Variants in OSMR observed in about 807,000 individuals in gnomAD.
OSMR encodes the protein oncostatin M receptor.
Under a neutral mutation model 99.9 loss-of-function variants are expected in OSMR, and 81 were observed. That is an observed-to-expected ratio of 0.81 (90% CI 0.68 to 0.97). OSMR has a LOEUF of 0.97. OSMR is among the 50% of genes least tolerant of loss of function. The pLI is 0.00. For missense variants in OSMR, 1,099 were observed against 1,153.4 expected (o/e 0.95, Z 0.68); for synonymous variants, 406 against 410.4 (o/e 0.99, Z 0.13).
At chr5:38,865,472 A>G (rs1432915470) in intron 1 of OSMR, among the ~76,000 whole-genome samples, 1 of 152,250 alleles carries the variant, frequency 6.6e-6, no homozygotes, top group Non-Finnish European at 1.5e-5. Context: ...GGCTGGACAC[A>G]GTAGCATAGT....
At chr5:38,911,269 A>G (rs1745560882) in intron 9 of OSMR, among the ~76,000 whole-genome samples, 1 of 152,196 alleles carries the variant, frequency 6.6e-6, no homozygotes, top group South Asian at 2.1e-4. Context: ...CCCCATAGAA[A>G]CACAAAAACT....
At chr5:38,862,840 C>G (rs1293135932) in intron 1 of OSMR, among the ~76,000 whole-genome samples, 4 of 151,384 alleles carry the variant, frequency 2.6e-5, no homozygotes, top group Non-Finnish European at 5.9e-5. Flanking sequence ...TGTAGCGAGC[C>G]GAGATCACAC....
downstream of OSMR, chr5:38,940,389 A>G (rs1330061575): frequency 4.3e-6 from 1 of 232,260 alleles, no homozygotes; most frequent in East Asian, 6.1e-5. Flanking sequence ...AGATTACATT[A>G]CTTCCTTTGG....
intron 9 of OSMR, among the ~76,000 whole-genome samples, chr5:38,910,424 C>A (rs1579767929): frequency 1.3e-5 from 2 of 152,174 alleles, no homozygotes. Context: ...CTCATCTGCA[C>A]ATGGCATATA....
In OSMR at chr5:38,873,276, C is replaced by A. The variant is rs76407577; in HGVS notation, c.74-2925C>A. Among the ~76,000 whole-genome samples the A allele has an allele frequency of 0.022, 3,425 of 152,308 alleles. 345 individuals are homozygous for A. The East Asian group carries it at 0.37, about 16-fold the overall frequency. On this transcript the variant is annotated intron_variant, in intron 2 of 17. Transcript: ENST00000274276. ...TGTAGCATGTATCAGTATTCAGTTT[C>A]TTATGGCTGAGTAACAGTCCTTCGT...
intron 7 of OSMR, among the ~76,000 whole-genome samples, chr5:38,892,446 T>G (rs1744221798): frequency 6.6e-6 from 1 of 152,110 alleles, no homozygotes. Context: ...AACTCATACA[T>G]GTTGTCCTGT....
intron 1 of OSMR, among the ~76,000 whole-genome samples, chr5:38,867,464 C>T (rs893287680): frequency 3.9e-5 from 6 of 152,178 alleles, no homozygotes; most frequent in African/African-American, 7.2e-5. Flanking sequence ...AGGCAAAAAT[C>T]GGTTTCAAAT....
In OSMR at chr5:38,885,499, G is replaced by C. The variant is rs774323092; in HGVS notation, c.839+15G>C. 2 of 1,613,894 alleles carry C rather than the reference G, an allele frequency of 1.2e-6. No individual in the cohort carries two copies. Among genetic ancestry groups the C allele is most frequent in the South Asian group, 2.2e-5 (2 of 91,072 alleles). The stretch of plus-strand genomic sequence containing the variant: ...TTATTTGAATCGTAAGTTGGCTCTG[G>C]TTACATTATTGACAACTTCTTCCTT... On this transcript the variant is annotated intron_variant, in intron 6 of 17. Transcript: ENST00000274276.
rs561112691 is a variant in OSMR, at chr5:38,862,190, G to A, written c.-13-6842G>A. 3.3e-4 allele frequency among the ~76,000 whole-genome samples: 40 copies of A among 119,834 alleles called. 1 individual carries two copies. In the East Asian group the frequency reaches 4.2e-3, roughly 13 times the overall value. 78.6% of individuals were successfully genotyped at this position (119,834 alleles called of 152,430 possible). On this transcript the variant is annotated intron_variant, in intron 1 of 17. Transcript: ENST00000274276. ...GGGCTCCTCACTTCCCAGTAGGGGC[G>A]GCCGGGCAGAGGCGCCCCTCACCTC... is the stretch of plus-strand genomic sequence containing the variant.
At chr5:38,886,445 C>G (rs1203969270) in intron 7 of OSMR, 1 of 931,502 alleles carries the variant, frequency 1.1e-6, no homozygotes, top group African/African-American at 1.7e-5. Context: ...ACAATAACTT[C>G]TGTCATATCT....
intron 15 of OSMR, among the ~76,000 whole-genome samples, chr5:38,926,597 G>C (rs1746486711): frequency 6.6e-6 from 1 of 152,166 alleles, no homozygotes; most frequent in African/African-American, 2.4e-5. Context: ...AGAACAGCAT[G>C]GGGGTAACTG....
At chr5:38,859,656 G>C (rs1339718533) in intron 1 of OSMR, among the ~76,000 whole-genome samples, 1 of 152,146 alleles carries the variant, frequency 6.6e-6, no homozygotes, top group Non-Finnish European at 1.5e-5. Flanking sequence ...TGTTTTGATA[G>C]GGATTGCATT....
intron 9 of OSMR, among the ~76,000 whole-genome samples, chr5:38,905,949 A>T (rs937519762): frequency 7.9e-5 from 12 of 152,156 alleles, no homozygotes; most frequent in Non-Finnish European, 1.0e-4. Flanking sequence ...CGCTAATCAG[A>T]ATCCACACAT....
chr5:38,938,469 T>C (rs962213801), downstream of OSMR: 92 of 232,184 alleles, frequency 4.0e-4, 1 homozygote, highest in African/African-American at 1.9e-3. Flanking sequence ...TTGAAAGGTA[T>C]GCTTTTTTTG....
intron 7 of OSMR, among the ~76,000 whole-genome samples, chr5:38,887,688 A>C (rs188135924): frequency 8.5e-5 from 13 of 152,216 alleles, no homozygotes; most frequent in Admixed American, 2.0e-4. Context: ...CTTTTATGTA[A>C]AACTGATAAT....
intron 2 of OSMR, chr5:38,944,457 A>G (rs780472980): frequency 2.5e-6 from 4 of 1,602,614 alleles, no homozygotes; most frequent in Non-Finnish European, 3.4e-6. Context: ...TTAAAAGCCC[A>G]GTCTCATGAC....
chr5:38,905,589 G>A (rs1745175966), intron 9 of OSMR, among the ~76,000 whole-genome samples: 1 of 152,142 alleles, frequency 6.6e-6, no homozygotes, highest in African/African-American at 2.4e-5. Context: ...CACGCAGTAG[G>A]TGCTCTTATG....
At chr5:38,866,738 A>C (rs1041228308) in intron 1 of OSMR, among the ~76,000 whole-genome samples, 2 of 152,134 alleles carry the variant, frequency 1.3e-5, no homozygotes, top group African/African-American at 4.8e-5. Context: ...CGGGGACCCC[A>C]CACACACTCC....
chr5:38,885,608 C>A, intron 6 of OSMR, 124 bp downstream of exon 6: 1 of 1,297,046 alleles, frequency 7.7e-7, no homozygotes, highest in Non-Finnish European at 1.1e-6. Context: ...AACCACCTGC[C>A]AAGGTCAAGA....
Sources: gnomAD v4.1 joint callset for allele counts (sites outside exome capture counted in the v4.1 genomes callset) on GRCh38, gnomAD v4.1.1 for gene constraint, MANE v1.5 for transcripts, NCBI Gene and HGNC (gene_info 2026-07-23, HGNC 2026-07-21) for gene names.